Variants in TENM3 observed in about 807,000 individuals in gnomAD.
TENM3 encodes the protein teneurin transmembrane protein 3, also known as teneurin-3.
Under a neutral mutation model 255.1 loss-of-function variants are expected in TENM3, and 63 were observed. The ratio of observed to expected loss-of-function variants is 0.25; its 90% confidence interval spans 0.20 to 0.30. The LOEUF (loss-of-function observed/expected upper bound fraction) is 0.30, where lower values mean the gene tolerates loss of function less well. TENM3 is among the 10% of genes least tolerant of loss of function. The pLI is 1.00. For synonymous variants in TENM3, 1,306 were observed against 1,322.3 expected (o/e 0.99, Z 0.27); for missense variants, 2,929 against 3,461.1 (o/e 0.85, Z 3.86).
At chr4:181,578,238 G>C in the TENM3 span, among the ~76,000 whole-genome samples, 18,419 of 151,890 alleles carry the variant, frequency 0.12, 1,480 homozygotes, top group Admixed American at 0.17. Context: ...CCTTTTCTTT[G>C]TTTGTTTTCC....
At chr4:181,683,705 T>C in the TENM3 span, among the ~76,000 whole-genome samples, 1 of 152,130 alleles carries the variant, frequency 6.6e-6, no homozygotes, top group Non-Finnish European at 1.5e-5. Flanking sequence ...GAAGAGGGTA[T>C]GGATGATCCC....
At chr4:181,878,983 T>C in the TENM3 span, among the ~76,000 whole-genome samples, 1 of 152,122 alleles carries the variant, frequency 6.6e-6, no homozygotes, top group Non-Finnish European at 1.5e-5. Context: ...AAGGGTAGAG[T>C]TCTAGTCTAT....
At chr4:182,513,746 A>G (rs1282382332) in intron 3 of TENM3, among the ~76,000 whole-genome samples, 2 of 152,138 alleles carry the variant, frequency 1.3e-5, no homozygotes, top group Non-Finnish European at 2.9e-5. Flanking sequence ...AGTGTTTGCC[A>G]GTTCTAGAGA....
intron 3 of TENM3, among the ~76,000 whole-genome samples, chr4:182,560,923 A>C (rs760839781): frequency 6.6e-6 from 1 of 152,230 alleles, no homozygotes; most frequent in Non-Finnish European, 1.5e-5. Flanking sequence ...CTGAGTGTTG[A>C]CATATGTACG....
At chr4:181,862,274 T>C in the TENM3 span, among the ~76,000 whole-genome samples, 1 of 152,036 alleles carries the variant, frequency 6.6e-6, no homozygotes, top group Non-Finnish European at 1.5e-5. Context: ...TAGGGAGAAC[T>C]GCATGTAAAA....
chr4:182,029,486 A>G, the TENM3 span, among the ~76,000 whole-genome samples: 6 of 105,512 alleles, frequency 5.7e-5, no homozygotes, highest in Admixed American at 3.6e-4. Flanking sequence ...AGCTCTATCA[A>G]TATTTGCTTT....
intron 5 of TENM3, among the ~76,000 whole-genome samples, chr4:182,651,467 G>T (rs549909811): frequency 6.6e-6 from 1 of 152,288 alleles, no homozygotes; most frequent in East Asian, 1.9e-4. Context: ...GAGGCATGCG[G>T]ATTGCCTGAG....
chr4:182,628,621 A>G (rs1751055927), intron 4 of TENM3, 30 bp from the exon 5 acceptor site: 4 of 1,371,026 alleles, frequency 2.9e-6, no homozygotes, highest in East Asian at 5.0e-5. Flanking sequence ...ACATATTTGT[A>G]TCTTATAATG....
At chr4:181,849,544 C>G in the TENM3 span, among the ~76,000 whole-genome samples, 1 of 152,150 alleles carries the variant, frequency 6.6e-6, no homozygotes, top group African/African-American at 2.4e-5. Flanking sequence ...TTTACATACT[C>G]ACACACTAAA....
chr4:182,230,812 CTATATATATATATATATATATATA>C lies in TENM3; in HGVS notation c.-76+86080_-76+86103del, dbSNP rs55642239. Among the ~76,000 whole-genome samples the C allele has an allele frequency of 3.0e-3, 172 of 58,070 alleles. 6 individuals are homozygous for C. The highest frequency in any genetic ancestry group is 0.024 in the South Asian group (26 of 1,102). 38.1% of individuals were successfully genotyped at this position (58,070 alleles called of 152,430 possible). A position where few individuals can be genotyped will look rare whatever the true frequency, so the allele number is the denominator to read the frequency against. Reference sequence around the variant, plus strand: ...GCTATATTAAATACAGTTTCTCAAACTATATATATATATATATATATATATATATATATATATATATATATCCCC... The same window carrying C: ...GCTATATTAAATACAGTTTCTCAAACTATATATATATATATATATATCCCC... On this transcript the variant is annotated intron_variant, in intron 1 of 2. Transcript: ENST00000512480.
In TENM3 at chr4:182,538,663, C is replaced by T. The variant is rs534909120; in HGVS notation, c.512-62261C>T. On this transcript the variant is annotated intron_variant, in intron 3 of 27. Coordinates refer to ENST00000511685, the MANE Select transcript of TENM3 (RefSeq NM_001080477.4). ...CTATTTTGCATTATTACCTTGGTTACAATATAGAGCAAATTGGAGACTGCA... is the reference window on the plus strand; with the variant it reads ...CTATTTTGCATTATTACCTTGGTTATAATATAGAGCAAATTGGAGACTGCA... 1.6e-4 allele frequency among the ~76,000 whole-genome samples: 24 copies of T among 152,154 alleles called. No homozygotes were observed. The South Asian group carries it at 2.3e-3, about 14-fold the overall frequency.
the TENM3 span, among the ~76,000 whole-genome samples, chr4:181,942,100 G>A: frequency 1.3e-5 from 2 of 152,118 alleles, no homozygotes; most frequent in African/African-American, 4.8e-5. Flanking sequence ...TGAGGACTCA[G>A]GCCGCCTCTT....
intron 12 of TENM3, among the ~76,000 whole-genome samples, chr4:182,696,535 A>G (rs1008197330): frequency 3.9e-5 from 6 of 152,104 alleles, no homozygotes; most frequent in African/African-American, 4.8e-5. Context: ...GACCATCCTG[A>G]CCAACATGGT....
the TENM3 span, among the ~76,000 whole-genome samples, chr4:181,883,729 A>G: frequency 9.5e-4 from 145 of 152,204 alleles, 6 homozygotes; most frequent in South Asian, 0.028. Flanking sequence ...CGCCCGCCTC[A>G]GCCCCCCAAA....
chr4:181,803,822 G>C, the TENM3 span, among the ~76,000 whole-genome samples: 1 of 151,712 alleles, frequency 6.6e-6, no homozygotes, highest in Admixed American at 6.6e-5. Flanking sequence ...TGTGGTCCCA[G>C]CTACTTGGGA....
chr4:182,230,816 A>ATATG lies in TENM3; in HGVS notation c.-76+86065_-76+86066insGTAT, dbSNP rs1314589623. 7.7e-4 allele frequency among the ~76,000 whole-genome samples: 37 copies of ATATG among 47,780 alleles called. 1 individual carries two copies. The highest frequency in any genetic ancestry group is 1.4e-3 in the Non-Finnish European group (29 of 21,096). 31.3% of individuals were successfully genotyped at this position (47,780 alleles called of 152,430 possible). ...TATTAAATACAGTTTCTCAAACTATATATATATATATATATATATATATAT... is the reference window on the plus strand; with the variant it reads ...TATTAAATACAGTTTCTCAAACTATATATGTATATATATATATATATATATATAT... On this transcript the variant is annotated intron_variant, in intron 1 of 2. Coordinates refer to the TENM3 transcript ENST00000512480.
the TENM3 span, among the ~76,000 whole-genome samples, chr4:181,580,128 A>G: frequency 2.0e-5 from 3 of 151,730 alleles, no homozygotes; most frequent in Admixed American, 6.6e-5. Context: ...CTCCTGAGTA[A>G]CTGGGATTAC....
At chr4:182,090,836 T>A in the TENM3 span, among the ~76,000 whole-genome samples, 2 of 152,222 alleles carry the variant, frequency 1.3e-5, no homozygotes, top group Non-Finnish European at 2.9e-5. Context: ...TCATTTGTAA[T>A]TCTAGTATTA....
intron 18 of TENM3, among the ~76,000 whole-genome samples, chr4:182,740,844 T>C (rs1041590741): frequency 6.6e-6 from 1 of 152,060 alleles, no homozygotes; most frequent in Non-Finnish European, 1.5e-5. Context: ...AACCGAACTT[T>C]CCAAAATGCT....
Sources: allele counts gnomAD v4.1 joint callset (sites outside exome capture counted in the v4.1 genomes callset), GRCh38; gene constraint gnomAD v4.1.1; transcripts MANE v1.5; gene names NCBI Gene and HGNC (gene_info 2026-07-23, HGNC 2026-07-21).